MSN: variants seen among roughly 807,000 people sequenced by gnomAD.
MSN encodes the protein moesin, also known as epididymis luminal protein 70.
Under a neutral mutation model 48.0 loss-of-function variants are expected in MSN, and 2 were observed. The observed-to-expected ratio is 0.04, with a 90% CI of 0.02 to 0.13. The LOEUF (loss-of-function observed/expected upper bound fraction) is 0.13, where lower values mean the gene tolerates loss of function less well. Among genes scored for constraint, MSN ranks in the 10% least tolerant of loss-of-function variants. MSN has a pLI of 1.00. For missense variants in MSN, 267 were observed against 470.1 expected (o/e 0.57, Z 3.99); for synonymous variants, 146 against 166.9 (o/e 0.87, Z 0.97).
intron 1 of MSN, among the ~76,000 whole-genome samples, chrX:65,592,765 G>A (rs1006268302): frequency 3.6e-5 from 4 of 111,044 alleles, no homozygotes; most frequent in African/African-American, 1.3e-4. Flanking sequence ...TTGAGGCTGG[G>A]TGCGGTGGCT....
chrX:65,693,420 C>T (rs1381314651), intron 1 of MSN, among the ~76,000 whole-genome samples: 4 of 111,936 alleles, frequency 3.6e-5, no homozygotes, highest in Non-Finnish European at 7.5e-5. Context: ...AATTTTAGAT[C>T]TTTCCTGCTT....
intron 2 of MSN, among the ~76,000 whole-genome samples, chrX:65,722,101 A>G (rs1258870800): frequency 9.0e-6 from 1 of 111,702 alleles, no homozygotes; most frequent in Non-Finnish European, 1.9e-5. Context: ...ACAAAAAACG[A>G]TAAAAGAAAG....
chrX:65,656,935 A>G (rs1471709939), intron 1 of MSN, among the ~76,000 whole-genome samples: 1 of 112,012 alleles, frequency 8.9e-6, no homozygotes, highest in African/African-American at 3.2e-5. Context: ...TCACCTGCCA[A>G]TTCTGAGCAC....
At chrX:65,640,748 C>G (rs754598133) in intron 1 of MSN, among the ~76,000 whole-genome samples, 13 of 111,115 alleles carry the variant, frequency 1.2e-4, no homozygotes, top group Admixed American at 4.8e-4. Flanking sequence ...TGATGGAGGG[C>G]AGAGAAAGGA....
Position 65,661,028 on chromosome X carries a change from A to ATC in MSN, c.-21-55787_-21-55786dup, listed in dbSNP as rs767700481. On this transcript the variant is annotated intron_variant, in intron 1 of 3. Transcript: ENST00000609672. ...ACCCAGGCTGGAGTGCAGTGGTGTG[A>ATC]TCTCAGCTCATTGCAACCTCTGCCT... 3.2e-3 allele frequency among the ~76,000 whole-genome samples: 355 copies of ATC among 110,597 alleles called. 1 individual carries two copies. The highest frequency in any genetic ancestry group is 0.011 in the African/African-American group (342 of 30,377).
At chrX:65,678,959 G>A (rs2071029036) in intron 1 of MSN, among the ~76,000 whole-genome samples, 2 of 111,962 alleles carry the variant, frequency 1.8e-5, no homozygotes, top group Non-Finnish European at 3.8e-5. Context: ...ACTTTTCGGA[G>A]AAGCTTCCTT....
intron 1 of MSN, among the ~76,000 whole-genome samples, chrX:65,598,078 T>G (rs1032561159): frequency 8.1e-5 from 9 of 111,463 alleles, no homozygotes; most frequent in African/African-American, 2.9e-4. Flanking sequence ...CTACCTCTCC[T>G]TACCAGCAAC....
At chrX:65,618,062 G>C (rs1238835464) in intron 1 of MSN, among the ~76,000 whole-genome samples, 2 of 110,978 alleles carry the variant, frequency 1.8e-5, no homozygotes, top group Non-Finnish European at 3.8e-5. Context: ...TTGCACTGTG[G>C]TCTGAGAGAT....
intron 1 of MSN, among the ~76,000 whole-genome samples, chrX:65,704,497 C>T (rs935358168): frequency 3.6e-5 from 4 of 111,151 alleles, no homozygotes; most frequent in African/African-American, 1.3e-4. Context: ...ACAGGGCTCT[C>T]TGAGTTCTCC....
chrX:65,691,673 T>G lies in MSN; in HGVS notation c.12+23820T>G, dbSNP rs75724352. On this transcript the variant is annotated intron_variant, in intron 1 of 12. Transcript: ENST00000360270. ...GTGCCCGCCTCCACGCCTGGTTAAT[T>G]TTTTGTATTTTTAGTAGAGATGGGG... is the stretch of plus-strand genomic sequence containing the variant. Among the ~76,000 whole-genome samples, 11 of 110,699 alleles carry G rather than the reference T, an allele frequency of 9.9e-5. No homozygotes were observed. In the East Asian group the frequency reaches 3.1e-3, roughly 31 times the overall value.
upstream of MSN, among the ~76,000 whole-genome samples, chrX:65,663,840 C>T (rs2070843939): frequency 9.1e-6 from 1 of 110,201 alleles, no homozygotes; most frequent in African/African-American, 3.3e-5. Flanking sequence ...GGGCTGATCA[C>T]AAGGTCAGGA....
chrX:65,715,716 A>C (rs2071457040), intron 1 of MSN, among the ~76,000 whole-genome samples: 1 of 111,558 alleles, frequency 9.0e-6, no homozygotes, highest in South Asian at 3.7e-4. Context: ...CAGATTAAGG[A>C]GCTTTTGGGC....
intron 1 of MSN, among the ~76,000 whole-genome samples, chrX:65,632,683 ACTTGGGCATATAGTAC>A (rs2070567777): frequency 9.0e-6 from 1 of 111,191 alleles, no homozygotes; most frequent in Non-Finnish European, 1.9e-5. Flanking sequence ...TCTTTGTATG[ACTTGGGCATATAGTAC>A]CTACCTCAGT....
chrX:65,605,411 C>A (rs2070270575), intron 1 of MSN, among the ~76,000 whole-genome samples: 1 of 112,242 alleles, frequency 8.9e-6, no homozygotes, highest in Non-Finnish European at 1.9e-5. Flanking sequence ...TACTTCCCAC[C>A]AATCCAGTCC....
At chrX:65,674,581 G>A (rs2070977656) in intron 1 of MSN, among the ~76,000 whole-genome samples, 1 of 112,048 alleles carries the variant, frequency 8.9e-6, no homozygotes, top group African/African-American at 3.2e-5. Flanking sequence ...TTAATTTTGA[G>A]CTCTGACCTT....
At chrX:65,680,146 G>A (rs2071039693) in intron 1 of MSN, among the ~76,000 whole-genome samples, 1 of 112,077 alleles carries the variant, frequency 8.9e-6, no homozygotes, top group African/African-American at 3.2e-5. Flanking sequence ...GAGTCAAATG[G>A]AAGAAGAGTG....
In MSN at chrX:65,741,344, T is replaced by C. The variant is rs188822868; in HGVS notation, c.*1451T>C. 74 of 165,917 alleles carry C rather than the reference T, an allele frequency of 4.5e-4. No homozygotes were observed. Among genetic ancestry groups the C allele is most frequent in the African/African-American group, 2.2e-3 (74 of 33,255 alleles). The allele number at this position is 165,917 out of a possible 1,213,427, so 13.7% of individuals were successfully genotyped here. ...TCTGCCTTCCTTGCTAATGCACCAT[T>C]AGAAGATATTAGTCTTGGGGCAGGA... is the stretch of plus-strand genomic sequence containing the variant. On this transcript the variant is annotated 3_prime_UTR_variant, in exon 13 of 13. Transcript: ENST00000360270.
chrX:65,738,426 G>A, intron 10 of MSN, 99 bp from the exon 11 acceptor site: 2 of 644,587 alleles, frequency 3.1e-6, no homozygotes, highest in Non-Finnish European at 4.8e-6. Flanking sequence ...AAGTGGAGCA[G>A]TAGGTCCCTT....
intron 9 of MSN, 67 bp downstream of exon 9, chrX:65,736,992 G>A: frequency 2.5e-6 from 3 of 1,186,112 alleles, no homozygotes; most frequent in Non-Finnish European, 3.4e-6. Flanking sequence ...AGAACCTTCT[G>A]CCTGAGCTGT....
Sources: gnomAD v4.1 joint callset for allele counts (sites outside exome capture counted in the v4.1 genomes callset) on GRCh38, gnomAD v4.1.1 for gene constraint, MANE v1.5 for transcripts, NCBI Gene and HGNC (gene_info 2026-07-23, HGNC 2026-07-21) for gene names.